The following ASCC3 variants were observed in gnomAD, a reference collection of about 807,000 sequenced individuals.
ASCC3 encodes ASC-1 complex subunit P200.
In ASCC3, 158 loss-of-function variants were observed where a neutral mutation model predicts 256.3. The observed-to-expected ratio is 0.62, with a 90% confidence interval of 0.54 to 0.70. The LOEUF (loss-of-function observed/expected upper bound fraction) is 0.70, where lower values mean the gene tolerates loss of function less well. Among genes scored for constraint, ASCC3 ranks in the 30% least tolerant of loss-of-function variants. The pLI is 0.00. For missense variants in ASCC3, 2,259 were observed against 2,626.0 expected (o/e 0.86, Z 3.05); for synonymous variants, 948 against 883.4 (o/e 1.07, Z -1.30).
chr6:100,562,539 A>G (rs1770009764), intron 36 of ASCC3, among the ~76,000 whole-genome samples: 1 of 152,124 alleles, frequency 6.6e-6, no homozygotes, highest in African/African-American at 2.4e-5. Context: ...GAGTATGCAT[A>G]TAGGTCTGTA....
rs1354323799 is a variant in ASCC3, at chr6:100,718,237, CTG to C, written c.1915_1916del (p.Gln639GlufsTer14). On this transcript the variant is annotated frameshift_variant, in exon 12 of 42. Transcript: ENST00000369162. LOFTEE classifies it high-confidence loss of function. ...ARTLRQVESTQSMIRILGLSA... is the reference protein window; with the variant it reads ...ARTLRQVESTXSMIRILGLSA... ...ACAGTCCGAGAATCCTTATCATACT[CTG>C]TGTGGATTCCACCTATATGGATTAT... 6.2e-7 allele frequency: 1 copy of C among 1,609,980 alleles called. No homozygotes were observed. Among genetic ancestry groups the C allele is most frequent in the Non-Finnish European group, 8.5e-7 (1 of 1,177,002 alleles).
intron 37 of ASCC3, among the ~76,000 whole-genome samples, chr6:100,537,787 T>G (rs570082569): frequency 6.1e-4 from 92 of 151,932 alleles, no homozygotes; most frequent in Admixed American, 6.0e-3. Context: ...ATACTATTTT[T>G]ATAATTAAAG....
chr6:100,725,121 A>AGAGAATATGG (rs1779563682), intron 11 of ASCC3, among the ~76,000 whole-genome samples: 1 of 152,054 alleles, frequency 6.6e-6, no homozygotes, highest in African/African-American at 2.4e-5. Flanking sequence ...AATAAAGGCA[A>AGAGAATATGG]GAGAATATGA....
chr6:100,758,589 T>C (rs1232174385), intron 10 of ASCC3, among the ~76,000 whole-genome samples: 2 of 152,220 alleles, frequency 1.3e-5, no homozygotes, highest in African/African-American at 2.4e-5. Context: ...TATGGCTGCA[T>C]AGTATTCCAT....
At chr6:100,552,554 C>T in intron 36 of ASCC3, among the ~76,000 whole-genome samples, 1 of 151,952 alleles carries the variant, frequency 6.6e-6, no homozygotes, top group Non-Finnish European at 1.5e-5. Flanking sequence ...ATACTGTGAG[C>T]TTTAGTCTCC....
At chr6:100,839,910 T>A (rs1476993462) in intron 4 of ASCC3, among the ~76,000 whole-genome samples, 1 of 152,186 alleles carries the variant, frequency 6.6e-6, no homozygotes, top group Non-Finnish European at 1.5e-5. Flanking sequence ...ATAAAATATA[T>A]GGCTTGGGTT....
rs1774824428 is a variant in ASCC3, at chr6:100,530,661, T to TTAGG, written c.5775+9498_5775+9501dup. ...GGAGTTCATGGATGGCATGACAGAATTAGGATGTGACAGCATAGAAAAACT... is the reference window on the plus strand; with the variant it reads ...GGAGTTCATGGATGGCATGACAGAATTAGGTAGGATGTGACAGCATAGAAAAACT... On this transcript the variant is annotated intron_variant, in intron 37 of 41. Transcript: ENST00000369162. The TTAGG allele has an allele frequency of 1.3e-5, 11 of 854,948 alleles. No individual in the cohort carries two copies. In the South Asian group the frequency reaches 1.5e-4, roughly 11 times the overall value. 53.0% of individuals were successfully genotyped at this position (854,948 alleles called of 1,614,324 possible). A position where few individuals can be genotyped will look rare whatever the true frequency, so the allele number is the denominator to read the frequency against.
chr6:100,659,366 T>C (rs1185241399), intron 16 of ASCC3, among the ~76,000 whole-genome samples: 4 of 151,502 alleles, frequency 2.6e-5, no homozygotes, highest in Admixed American at 2.0e-4. Context: ...GTTTGTTTCC[T>C]TAACAGGAAA....
chr6:100,638,027 C>T (rs1018593609), intron 25 of ASCC3, among the ~76,000 whole-genome samples: 2 of 152,054 alleles, frequency 1.3e-5, no homozygotes, highest in East Asian at 1.9e-4. Context: ...GACGTTCTAT[C>T]GTGGGTAAAA....
intron 15 of ASCC3, 115 bp from the exon 16 acceptor site, chr6:100,662,145 A>G: frequency 8.6e-7 from 1 of 1,160,570 alleles, no homozygotes. Flanking sequence ...ACTTTAACTA[A>G]TCCTTTCATC....
At chr6:100,701,777 G>T (rs375179068) in intron 13 of ASCC3, among the ~76,000 whole-genome samples, 2 of 152,062 alleles carry the variant, frequency 1.3e-5, no homozygotes, top group East Asian at 3.9e-4. Context: ...TAAAAAAAAG[G>T]GTTTCTCTGA....
intron 24 of ASCC3, among the ~76,000 whole-genome samples, chr6:100,639,611 G>A (rs1395590269): frequency 1.3e-5 from 2 of 152,146 alleles, no homozygotes; most frequent in African/African-American, 4.8e-5. Context: ...AGGTAACATA[G>A]TATTCTGTAC....
intron 14 of ASCC3, among the ~76,000 whole-genome samples, chr6:100,668,229 C>G (rs1394062777): frequency 6.6e-6 from 1 of 151,876 alleles, no homozygotes; most frequent in Admixed American, 6.6e-5. Flanking sequence ...TAGCTGTACA[C>G]AAGTACAACA....
intron 11 of ASCC3, among the ~76,000 whole-genome samples, chr6:100,724,512 C>T (rs376842182): frequency 2.0e-5 from 3 of 151,512 alleles, no homozygotes; most frequent in Non-Finnish European, 4.4e-5. Flanking sequence ...ACAGTGCCCA[C>T]TGAGAGAGAA....
At chr6:100,535,700 C>A (rs1404339923) in intron 37 of ASCC3, among the ~76,000 whole-genome samples, 1 of 151,992 alleles carries the variant, frequency 6.6e-6, no homozygotes, top group South Asian at 2.1e-4. Context: ...AACTCCTGAC[C>A]TTGTGATCCA....
intron 6 of ASCC3, 84 bp downstream of exon 6, chr6:100,800,216 G>T: frequency 6.9e-7 from 1 of 1,448,008 alleles, no homozygotes; most frequent in Non-Finnish European, 9.7e-7. Flanking sequence ...CATCTATACT[G>T]CTAAGACTAA....
intron 30 of ASCC3, among the ~76,000 whole-genome samples, chr6:100,614,795 A>G (rs896680677): frequency 3.3e-5 from 5 of 152,238 alleles, no homozygotes; most frequent in Non-Finnish European, 5.9e-5. Flanking sequence ...ATTTGAAATA[A>G]TGAGTTATGA....
intron 30 of ASCC3, among the ~76,000 whole-genome samples, chr6:100,624,808 GATA>G (rs1043507205): frequency 1.3e-5 from 2 of 151,736 alleles, no homozygotes; most frequent in African/African-American, 4.8e-5. Flanking sequence ...TTAGGGAAAG[GATA>G]ATAACAGGTT....
intron 13 of ASCC3, among the ~76,000 whole-genome samples, chr6:100,697,302 G>A (rs239212): frequency 0.5 from 75,803 of 151,680 alleles, 19,241 homozygotes; most frequent in East Asian, 0.72. Context: ...TTCACATTTT[G>A]CTGCTTGAGA....
Sources: allele counts gnomAD v4.1 joint callset (sites outside exome capture counted in the v4.1 genomes callset), GRCh38; gene constraint gnomAD v4.1.1; transcripts MANE v1.5; gene names NCBI Gene and HGNC (gene_info 2026-07-23, HGNC 2026-07-21).